Variants in CREBRF observed in about 807,000 individuals in gnomAD.
CREBRF encodes the protein UPF0474 protein C5orf41.
A neutral mutation model predicts 66.1 loss-of-function variants in CREBRF; 5 were observed. That is an observed-to-expected ratio of 0.08 (90% CI 0.04 to 0.16). The LOEUF (loss-of-function observed/expected upper bound fraction) is 0.16. Among genes scored for constraint, CREBRF ranks in the 10% least tolerant of loss-of-function variants. The probability of loss-of-function intolerance (pLI) is 1.00; values close to 1 mark genes in which losing one functional copy is unlikely to be tolerated. For synonymous variants in CREBRF, 229 were observed against 264.4 expected (o/e 0.87, Z 1.30); for missense variants, 531 against 744.9 (o/e 0.71, Z 3.34).
At chr5:173,089,791 T>C (rs542549245) in intron 3 of CREBRF, among the ~76,000 whole-genome samples, 1 of 152,328 alleles carries the variant, frequency 6.6e-6, no homozygotes, top group East Asian at 1.9e-4. Flanking sequence ...CAACTCTCTT[T>C]GGATTGCTCT....
chr5:173,092,927 C>CT (rs1257349272), intron 4 of CREBRF, among the ~76,000 whole-genome samples: 3 of 152,108 alleles, frequency 2.0e-5, no homozygotes, highest in Non-Finnish European at 4.4e-5. Flanking sequence ...AGAATAATGT[C>CT]TTTTTACAAT....
chr5:173,081,128 C>A (rs1757928026), intron 2 of CREBRF, among the ~76,000 whole-genome samples: 1 of 152,150 alleles, frequency 6.6e-6, no homozygotes, highest in African/African-American at 2.4e-5. Context: ...CCAATTCTTA[C>A]CTTTCATTTA....
chr5:173,112,434 C>A, intron 7 of CREBRF, 55 bp downstream of exon 7: 1 of 1,210,592 alleles, frequency 8.3e-7, no homozygotes, highest in African/African-American at 1.5e-5. Flanking sequence ...GCTGACCACT[C>A]TCTCTTTTCT....
intron 4 of CREBRF, among the ~76,000 whole-genome samples, chr5:173,106,620 T>A (rs1758756843): frequency 6.6e-6 from 1 of 152,170 alleles, no homozygotes; most frequent in Non-Finnish European, 1.5e-5. Context: ...GTGGTATAAT[T>A]TTCACACAGT....
chr5:173,085,327 A>C, intron 2 of CREBRF: 1 of 1,125,956 alleles, frequency 8.9e-7, no homozygotes, highest in Non-Finnish European at 1.3e-6. Context: ...AGGGCTCTGG[A>C]GAGATGTTCA....
rs1385356084 is a variant in CREBRF at position 173,090,330 on chromosome 5, T to C, written c.151T>C (p.Tyr51His). 6.3e-7 allele frequency: 1 copy of C among 1,596,564 alleles called. No homozygotes were observed. Among genetic ancestry groups the C allele is most frequent in the Admixed American group, 1.7e-5 (1 of 59,504 alleles). ...FMYELDREMN[Y>H]QQNPRDNFLS... ...CCTTTCTCAGGATAGAGAGATGAAC[T>C]ACCAACAGAATCCTAGAGACAACTT... is the stretch of plus-strand genomic sequence containing the variant. The change falls in exon 4 of 9, where the codon TAC (tyrosine) becomes CAC (histidine). Residue 51 changes from tyrosine to histidine, a missense_variant. By Grantham distance (83) the Tyr-to-His change is moderately conservative. Transcript: ENST00000296953. This position sits in a 1 kb window ranked among gnomAD's most constrained non-coding sequence, Gnocchi z 4.5.
At chr5:173,111,532 T>C (rs1758870473) in intron 6 of CREBRF, among the ~76,000 whole-genome samples, 2 of 152,242 alleles carry the variant, frequency 1.3e-5, no homozygotes, top group Admixed American at 1.3e-4. Context: ...GCTGAATCTG[T>C]ATTCTTTCAC....
chr5:173,091,171 A>G lies in CREBRF; in HGVS notation c.992A>G (p.Lys331Arg), dbSNP rs1438275998. Residue 331 changes from lysine to arginine, a missense_variant, in exon 4 of 9, where the codon AAA (lysine) becomes AGA (arginine). By Grantham distance (26) the Lys-to-Arg change is conservative. This residue lies in a region of CREBRF where 309 missense variants were observed against 341.4 expected (regional missense o/e 0.90). Transcript: ENST00000296953. ...ACATCAGTCTCAGATTCATCCCAGAAAAAAGAAGAGCACAATTATTCTCTT... is the reference window on the plus strand; with the variant it reads ...ACATCAGTCTCAGATTCATCCCAGAGAAAAGAAGAGCACAATTATTCTCTT... ...ASTSVSDSSQ[K>R]KEEHNYSLFV... 13 of 1,613,444 alleles carry G rather than the reference A, an allele frequency of 8.1e-6. No homozygotes were observed. The highest frequency in any genetic ancestry group is 1.1e-5 in the Non-Finnish European group (13 of 1,179,466).
chr5:173,131,708 ACAC>A (rs1759428849), intron 8 of CREBRF, among the ~76,000 whole-genome samples: 1 of 148,384 alleles, frequency 6.7e-6, no homozygotes, highest in Non-Finnish European at 1.5e-5. Flanking sequence ...ACACACACAC[ACAC>A]ACACACACAC....
At chr5:173,128,699 A>C (rs1232910132) in intron 8 of CREBRF, among the ~76,000 whole-genome samples, 2 of 151,918 alleles carry the variant, frequency 1.3e-5, no homozygotes, top group East Asian at 3.9e-4. Flanking sequence ...TATTGTTTCT[A>C]ATCTTATTAT....
rs1758850413 is a variant in CREBRF, at chr5:173,110,631, T to C, written c.1527T>C (p.Ile509=). 6.2e-7 allele frequency: 1 copy of C among 1,614,020 alleles called. No homozygotes were observed. Among genetic ancestry groups the C allele is most frequent in the African/African-American group, 1.3e-5 (1 of 75,014 alleles). ...GNELRKLNKV[I]SDLTPVSELP... ...AACTTCGGAAACTGAATAAGGTGAT[T>C]AGTGACCTGACTCCAGTCAGTGAGC... Residue 509 remains isoleucine, a synonymous_variant, in exon 6 of 9, where the codon ATT becomes ATC. Coordinates refer to ENST00000296953, the MANE Select transcript of CREBRF (RefSeq NM_153607.3).
intron 1 of CREBRF, chr5:173,057,315 C>T (rs949110979): frequency 6.6e-6 from 1 of 151,730 alleles, no homozygotes; most frequent in African/African-American, 2.4e-5. Context: ...TGGGAGGGGA[C>T]CAGTGGTGGT....
In CREBRF at chr5:173,121,347, G is replaced by C. The variant is rs535322549; in HGVS notation, c.1682-1733G>C. Among the ~76,000 whole-genome samples the C allele has an allele frequency of 1.3e-4, 20 of 149,104 alleles. No individual in the cohort carries two copies. The East Asian group carries it at 3.7e-3, about 28-fold the overall frequency. ...AACTTGCTTTTTTTTTTTTGAGTTG[G>C]AGTCTTGCTCTGTTGTCCAGGCTGG... On this transcript the variant is annotated intron_variant, in intron 7 of 8. Transcript: ENST00000296953.
At chr5:173,088,897 A>G (rs1242041763) in intron 3 of CREBRF, among the ~76,000 whole-genome samples, 1 of 152,130 alleles carries the variant, frequency 6.6e-6, no homozygotes, top group Non-Finnish European at 1.5e-5. Flanking sequence ...ATACACAGAC[A>G]GGCCGGGCGC....
At position 173,090,680 on chromosome 5, in the gene CREBRF, C is replaced by A; in HGVS notation, c.501C>A (p.Pro167=). Residue 167 remains proline (P), a synonymous_variant, in exon 4 of 9, where the codon CCC becomes CCA. Transcript: ENST00000296953. The surrounding 1 kb of genome is among the most constrained non-coding windows in gnomAD (Gnocchi z 4.5). ...PDSLFSVKQN[P]LPSSFPGKKI... ...CACTTTTCAGTGTCAAACAAAATCC[C>A]TTACCCTCTTCATTCCCTGGTAAAA... is the stretch of plus-strand genomic sequence containing the variant. The A allele has an allele frequency of 6.2e-7, 1 of 1,614,170 alleles. No homozygotes were observed. Among genetic ancestry groups the A allele is most frequent in the South Asian group, 1.1e-5 (1 of 91,076 alleles).
At chr5:173,058,361 G>A (rs1054216428) in intron 1 of CREBRF, among the ~76,000 whole-genome samples, 7 of 152,160 alleles carry the variant, frequency 4.6e-5, no homozygotes, top group Admixed American at 1.3e-4. Flanking sequence ...GTACTTAGGC[G>A]TAAGAACATG....
intron 4 of CREBRF, among the ~76,000 whole-genome samples, chr5:173,099,616 T>C (rs2113754708): frequency 6.6e-6 from 1 of 152,330 alleles, no homozygotes. Flanking sequence ...TTTATAGTCC[T>C]TTTGTTACTT....
At chr5:173,082,106 C>T (rs1024522686) in intron 2 of CREBRF, among the ~76,000 whole-genome samples, 19 of 148,942 alleles carry the variant, frequency 1.3e-4, no homozygotes, top group Admixed American at 6.8e-4. Context: ...CTCCACCTCC[C>T]GGGTTCACGC....
At chr5:173,087,051 A>G (rs1165101918) in intron 3 of CREBRF, among the ~76,000 whole-genome samples, 3 of 149,576 alleles carry the variant, frequency 2.0e-5, no homozygotes, top group Non-Finnish European at 4.4e-5. Flanking sequence ...GGTTTAAGCT[A>G]TTCTTCTACC....
Sources: allele counts gnomAD v4.1 joint callset (sites outside exome capture counted in the v4.1 genomes callset), GRCh38; gene constraint gnomAD v4.1.1; regional missense constraint gnomAD v4.1.1; non-coding constraint Gnocchi (gnomAD v3.1); transcripts MANE v1.5; gene names NCBI Gene and HGNC (gene_info 2026-07-23, HGNC 2026-07-21).